Variants in METTL22 observed in about 807,000 individuals in gnomAD.
METTL22 encodes the protein methyltransferase 22, Kin17 lysine, also known as methyltransferase-like protein 22.
METTL22 carries 51 observed loss-of-function variants against 48.4 expected under a neutral mutation model. The observed-to-expected ratio is 1.05, with a 90% confidence interval of 0.84 to 1.33. The LOEUF (loss-of-function observed/expected upper bound fraction) is 1.33, where lower values mean the gene tolerates loss of function less well. Among genes scored for constraint, METTL22 ranks in the 40% most tolerant of loss-of-function variants. The pLI is 0.00. For missense variants in METTL22, 678 were observed against 526.9 expected (o/e 1.29, Z -2.81); for synonymous variants, 255 against 214.1 (o/e 1.19, Z -1.67).
intron 3 of METTL22, chr16:8,631,823 A>G (rs939438917): frequency 5.9e-5 from 9 of 152,244 alleles, no homozygotes; most frequent in African/African-American, 2.2e-4. Context: ...ATTTAAATAT[A>G]AACTCTGACT....
At chr16:8,625,937 C>G (rs1038356814) in intron 2 of METTL22, 139 bp downstream of exon 2, 19 of 1,092,170 alleles carry the variant, frequency 1.7e-5, no homozygotes, top group Admixed American at 1.5e-4. Context: ...CCCTTTTTTT[C>G]TTTATGATTT....
rs1210657438 is a variant in METTL22 at position 8,646,389 on chromosome 16, C to G, written c.*246C>G. 1 of 690,772 alleles carries G rather than the reference C, an allele frequency of 1.4e-6. No individual in the cohort carries two copies. Among genetic ancestry groups the G allele is most frequent in the South Asian group, 1.5e-5 (1 of 66,672 alleles). The allele number at this position is 690,772 out of a possible 1,614,324, so 42.8% of individuals were successfully genotyped here. A position where few individuals can be genotyped will look rare whatever the true frequency, so the allele number is the denominator to read the frequency against. Reference sequence around the variant, plus strand: ...GTTTCTCATGGTTGTGATGTGTGCTCCAGGGTCAAGCCGAGCCACGTTCCT... The same window carrying G: ...GTTTCTCATGGTTGTGATGTGTGCTGCAGGGTCAAGCCGAGCCACGTTCCT... On this transcript the variant is annotated 3_prime_UTR_variant, in exon 11 of 11. Transcript: ENST00000381920.
Position 8,649,498 on chromosome 16 carries a change from T to A in METTL22, c.*3355T>A, listed in dbSNP as rs1312841505. Reference sequence around the variant, plus strand: ...TGCAGCCTGCATGGGAAAGAACTGTTAAAACCAACAAAGCCAGGCACAGTG... The same window carrying A: ...TGCAGCCTGCATGGGAAAGAACTGTAAAAACCAACAAAGCCAGGCACAGTG... On this transcript the variant is annotated 3_prime_UTR_variant, in exon 11 of 11. Coordinates refer to ENST00000381920, the MANE Select transcript of METTL22 (RefSeq NM_024109.4). The A allele has an allele frequency of 6.6e-6, 1 of 151,986 alleles. No individual in the cohort carries two copies. Among genetic ancestry groups the A allele is most frequent in the Non-Finnish European group, 1.5e-5 (1 of 68,006 alleles). The allele number at this position is 151,986 out of a possible 1,614,324, so 9.4% of individuals were successfully genotyped here.
intron 8 of METTL22, 77 bp downstream of exon 8, chr16:8,642,284 C>A: frequency 7.2e-7 from 1 of 1,387,756 alleles, no homozygotes; most frequent in Non-Finnish European, 1.0e-6. Context: ...TCACTTCCCC[C>A]GGGAGTTCAG....
intron 6 of METTL22, chr16:8,639,502 C>A (rs2056526486): frequency 6.0e-6 from 2 of 331,508 alleles, no homozygotes; most frequent in Non-Finnish European, 1.1e-5. Context: ...AGATGCAAGC[C>A]AGTCCACTTC....
downstream of METTL22, among the ~76,000 whole-genome samples, chr16:8,654,140 G>A (rs1020969954): frequency 1.1e-4 from 17 of 152,214 alleles, no homozygotes; most frequent in Admixed American, 3.3e-4. Flanking sequence ...CTCCACTCAC[G>A]TGAGGCCCCA....
intron 1 of METTL22, chr16:8,623,734 T>G (rs1263418091): frequency 6.6e-6 from 1 of 152,218 alleles, no homozygotes; most frequent in Non-Finnish European, 1.5e-5. Flanking sequence ...ATCTTTTTCT[T>G]AAAAATTTTT....
At chr16:8,636,090 A>G (rs1230768234) in intron 5 of METTL22, among the ~76,000 whole-genome samples, 1 of 152,172 alleles carries the variant, frequency 6.6e-6, no homozygotes, top group African/African-American at 2.4e-5. Context: ...TGTACCCAAT[A>G]GGGAAGCTTT....
intron 3 of METTL22, 100 bp downstream of exon 3, chr16:8,629,210 G>A: frequency 1.4e-6 from 2 of 1,469,054 alleles, no homozygotes; most frequent in Admixed American, 2.0e-5. Flanking sequence ...TGCAGGCCCA[G>A]GCAGCACAGG....
chr16:8,641,572 G>C (rs1345097659), intron 7 of METTL22: 1 of 475,988 alleles, frequency 2.1e-6, no homozygotes, highest in Non-Finnish European at 4.1e-6. Flanking sequence ...CCCCCGGGTA[G>C]GACAGTTTCC....
intron 6 of METTL22, 44 bp from the exon 7 acceptor site, chr16:8,641,087 G>C: frequency 6.4e-7 from 1 of 1,571,078 alleles, no homozygotes; most frequent in South Asian, 1.1e-5. Flanking sequence ...TTTTCCTGAT[G>C]ATGTTTAGAG....
chr16:8,658,042 C>T, the METTL22 span, among the ~76,000 whole-genome samples: 39,895 of 151,928 alleles, frequency 0.26, 6,360 homozygotes, highest in African/African-American at 0.45. Flanking sequence ...GTCTCAAACT[C>T]CCGAGTTCAA....
At chr16:8,654,611 GATA>G (rs2056939571), downstream of METTL22, among the ~76,000 whole-genome samples, 1 of 152,228 alleles carries the variant, frequency 6.6e-6, no homozygotes, top group African/African-American at 2.4e-5. Flanking sequence ...TTTGAAAACA[GATA>G]GATCAAGCCA....
chr16:8,638,552 C>T (rs2056493780), intron 5 of METTL22, among the ~76,000 whole-genome samples: 1 of 152,054 alleles, frequency 6.6e-6, no homozygotes, highest in African/African-American at 2.4e-5. Flanking sequence ...AGAGTGGGCT[C>T]AGCCTGTTTG....
In METTL22 at chr16:8,625,217, A is replaced by C. The variant is rs375210720; in HGVS notation, c.-170-279A>C. On this transcript the variant is annotated intron_variant, in intron 1 of 10. Transcript: ENST00000381920. ...TACAATGTACTCTCAGCTCAAGGAG[A>C]AGAAACCAGAGAGGGCAGGCACGTG... 6.3e-4 allele frequency among the ~76,000 whole-genome samples: 96 copies of C among 152,284 alleles called. 1 individual carries two copies. Among genetic ancestry groups the C allele is most frequent in the African/African-American group, 2.3e-3 (94 of 41,564 alleles).
chr16:8,660,840 GGGA>G, the METTL22 span, among the ~76,000 whole-genome samples: 44 of 4,324 alleles, frequency 0.01, no homozygotes, highest in Non-Finnish European at 0.019. Flanking sequence ...GGGGAGGAGG[GGGA>G]GGAGGGGGAG....
At chr16:8,654,785 A>AG in the METTL22 span, among the ~76,000 whole-genome samples, 3 of 152,216 alleles carry the variant, frequency 2.0e-5, no homozygotes, top group East Asian at 5.8e-4. Flanking sequence ...AGACTATGCC[A>AG]GGCTCATCTG....
rs538212624 is a variant in METTL22, at chr16:8,645,953, G to A, written c.1180-155G>A. On this transcript the variant is annotated intron_variant, in intron 10 of 10. Transcript: ENST00000381920. ...AGAACAGCCCAGAGCAACAAAGAAAGGAGGAAGCCGCCCGTCCGCTCCTGC... is the reference window on the plus strand; with the variant it reads ...AGAACAGCCCAGAGCAACAAAGAAAAGAGGAAGCCGCCCGTCCGCTCCTGC... 2.6e-5 allele frequency: 33 copies of A among 1,264,148 alleles called. No individual in the cohort carries two copies. In the African/African-American group the frequency reaches 6.4e-4, roughly 25 times the overall value. The allele number at this position is 1,264,148 out of a possible 1,614,324, so 78.3% of individuals were successfully genotyped here.
At chr16:8,641,212 G>T (rs1596360934) in intron 7 of METTL22, 28 bp downstream of exon 7, 3 of 1,611,552 alleles carry the variant, frequency 1.9e-6, no homozygotes, top group Non-Finnish European at 2.5e-6. Flanking sequence ...ACGTCCCCCA[G>T]TATGATTCAG....
Sources: allele counts gnomAD v4.1 joint callset (sites outside exome capture counted in the v4.1 genomes callset), GRCh38; gene constraint gnomAD v4.1.1; transcripts MANE v1.5; gene names NCBI Gene and HGNC (gene_info 2026-07-23, HGNC 2026-07-21).